The following PCDH9 variants were observed in gnomAD, a reference collection of about 807,000 sequenced individuals.
PCDH9 encodes the protein protocadherin-9.
In PCDH9, 24 loss-of-function variants were observed where a neutral mutation model predicts 70.6. The ratio of observed to expected loss-of-function variants is 0.34; its 90% confidence interval spans 0.25 to 0.48. The LOEUF (loss-of-function observed/expected upper bound fraction) is 0.48. Ranked by LOEUF, PCDH9 falls within the 20% of genes least tolerant of loss-of-function variation. The pLI, the probability that PCDH9 is intolerant of heterozygous loss-of-function variation, is 0.99. For missense variants in PCDH9, 1,281 were observed against 1,503.6 expected (o/e 0.85, Z 2.45); for synonymous variants, 562 against 558.5 (o/e 1.01, Z -0.09).
intron 4 of PCDH9, among the ~76,000 whole-genome samples, chr13:66,584,273 C>G (rs568139532): frequency 6.6e-6 from 1 of 152,102 alleles, no homozygotes; most frequent in Admixed American, 6.5e-5. Context: ...ATTAATAGAA[C>G]GCACTGAATC....
At chr13:66,617,516 A>G (rs2077370871) in intron 4 of PCDH9, among the ~76,000 whole-genome samples, 1 of 152,066 alleles carries the variant, frequency 6.6e-6, no homozygotes, top group East Asian at 1.9e-4. Flanking sequence ...CATCCTCCAA[A>G]CTGGAAAGAG....
intron 4 of PCDH9, among the ~76,000 whole-genome samples, chr13:66,591,233 G>A (rs1189810844): frequency 6.6e-6 from 1 of 151,488 alleles, no homozygotes; most frequent in South Asian, 2.1e-4. Context: ...TTATTGTTTT[G>A]CACATAATAA....
intron 2 of PCDH9, among the ~76,000 whole-genome samples, chr13:66,967,642 T>C (rs748384668): frequency 6.6e-6 from 1 of 152,008 alleles, no homozygotes; most frequent in Non-Finnish European, 1.5e-5. Flanking sequence ...CAACAAATTA[T>C]ACAAATACAA....
intron 4 of PCDH9, among the ~76,000 whole-genome samples, chr13:66,559,567 G>A (rs1426036525): frequency 6.6e-6 from 1 of 151,978 alleles, no homozygotes; most frequent in Admixed American, 6.6e-5. Flanking sequence ...TCGGGAAGCT[G>A]AGGTGGGTGG....
intron 3 of PCDH9, among the ~76,000 whole-genome samples, chr13:66,893,013 C>G (rs994698399): frequency 6.6e-6 from 1 of 151,942 alleles, no homozygotes; most frequent in Admixed American, 6.6e-5. Context: ...TCATGCGTGA[C>G]CTAGGCCAGT....
chr13:66,441,914 A>G (rs935382958), intron 4 of PCDH9, among the ~76,000 whole-genome samples: 2 of 152,146 alleles, frequency 1.3e-5, no homozygotes, highest in African/African-American at 2.4e-5. Flanking sequence ...TTCTTTATAT[A>G]TGCTAAGATT....
At chr13:66,555,280 T>C (rs1246145011) in intron 4 of PCDH9, among the ~76,000 whole-genome samples, 1 of 152,190 alleles carries the variant, frequency 6.6e-6, no homozygotes, top group Non-Finnish European at 1.5e-5. Context: ...TAGTACTTTC[T>C]TTCAAGTGTT....
At chr13:67,020,054 A>T (rs2084644871) in intron 2 of PCDH9, among the ~76,000 whole-genome samples, 1 of 152,192 alleles carries the variant, frequency 6.6e-6, no homozygotes, top group Non-Finnish European at 1.5e-5. Context: ...TAAACCTTTG[A>T]ATTTCCATAA....
intron 2 of PCDH9, among the ~76,000 whole-genome samples, chr13:66,934,073 G>C (rs1450839430): frequency 6.6e-6 from 1 of 152,032 alleles, no homozygotes; most frequent in Non-Finnish European, 1.5e-5. Flanking sequence ...CAGCCTGCCT[G>C]CCTACTGCCT....
chr13:66,455,442 G>T (rs1037383110), intron 4 of PCDH9, among the ~76,000 whole-genome samples: 1 of 151,898 alleles, frequency 6.6e-6, no homozygotes, highest in Non-Finnish European at 1.5e-5. Context: ...ATTCCTTGCT[G>T]TTCCTATACC....
In PCDH9 at chr13:67,079,258, A is replaced by C. The variant is rs534429681; in HGVS notation, c.3036+146147T>G. Among the ~76,000 whole-genome samples the C allele has an allele frequency of 6.6e-5, 10 of 152,322 alleles. 1 individual carries two copies. The South Asian group carries it at 2.1e-3, about 32-fold the overall frequency. ...TCAGGATACATTTCAGCACATAAAA[A>C]AGAAAAGGTACATTAAAATATTATA... is the stretch of plus-strand genomic sequence containing the variant. On this transcript the variant is annotated intron_variant, in intron 2 of 4. Coordinates refer to ENST00000377865, the MANE Select transcript of PCDH9 (RefSeq NM_203487.3).
At chr13:67,173,852 T>C (rs1192269406) in intron 2 of PCDH9, among the ~76,000 whole-genome samples, 1 of 152,022 alleles carries the variant, frequency 6.6e-6, no homozygotes, top group Non-Finnish European at 1.5e-5. Context: ...ATCTATAGAG[T>C]TGCATGCATG....
At chr13:66,486,311 C>T (rs560757236) in intron 4 of PCDH9, among the ~76,000 whole-genome samples, 10 of 152,026 alleles carry the variant, frequency 6.6e-5, no homozygotes, top group African/African-American at 1.2e-4. Context: ...GGCATGGTAG[C>T]GCACATCTGT....
intron 2 of PCDH9, among the ~76,000 whole-genome samples, chr13:67,139,365 C>G (rs2087315358): frequency 6.6e-6 from 1 of 152,210 alleles, no homozygotes; most frequent in East Asian, 1.9e-4. Context: ...AGATTCAGCA[C>G]AGTTGGATAT....
intron 2 of PCDH9, among the ~76,000 whole-genome samples, chr13:67,084,551 T>G (rs1232767621): frequency 1.3e-5 from 2 of 152,072 alleles, no homozygotes; most frequent in Non-Finnish European, 2.9e-5. Context: ...GACTTAACCA[T>G]TAAGTTGCCT....
chr13:66,380,689 G>T (rs922463646), intron 4 of PCDH9, among the ~76,000 whole-genome samples: 2 of 151,780 alleles, frequency 1.3e-5, no homozygotes, highest in African/African-American at 2.4e-5. Flanking sequence ...GACTACAGGC[G>T]CCCGCCACCA....
chr13:66,453,958 T>C (rs1403566396), intron 4 of PCDH9, among the ~76,000 whole-genome samples: 3 of 152,120 alleles, frequency 2.0e-5, no homozygotes, highest in African/African-American at 7.2e-5. Flanking sequence ...ATATTTGTCT[T>C]AGGAATAATT....
At chr13:66,635,154 A>T (rs921976075) in intron 3 of PCDH9, among the ~76,000 whole-genome samples, 4 of 151,774 alleles carry the variant, frequency 2.6e-5, no homozygotes, top group Non-Finnish European at 5.9e-5. Flanking sequence ...TTACAGTGAG[A>T]CTCCTTCAGC....
intron 2 of PCDH9, among the ~76,000 whole-genome samples, chr13:67,152,713 T>TA (rs2087694125): frequency 6.8e-6 from 1 of 148,020 alleles, no homozygotes; most frequent in African/African-American, 2.4e-5. Context: ...GGAAAAAGAG[T>TA]AAAGCCTCTT....
Sources: gnomAD v4.1 joint callset for allele counts (sites outside exome capture counted in the v4.1 genomes callset) on GRCh38, gnomAD v4.1.1 for gene constraint, MANE v1.5 for transcripts, NCBI Gene and HGNC (gene_info 2026-07-23, HGNC 2026-07-21) for gene names.